UPB1: variants seen among roughly 807,000 people sequenced by gnomAD.
UPB1 encodes beta-ureidopropionase.
In UPB1, 40 loss-of-function variants were observed where a neutral mutation model predicts 49.1. The observed-to-expected ratio is 0.81, with a 90% CI of 0.63 to 1.06. The LOEUF (loss-of-function observed/expected upper bound fraction) is 1.06, where lower values mean the gene tolerates loss of function less well. Ranked by LOEUF, UPB1 falls within the 50% of genes least tolerant of loss-of-function variation. The pLI is 0.00. For missense variants in UPB1, 499 were observed against 505.9 expected, an observed-to-expected ratio of 0.99 and a Z score of 0.13; for synonymous variants, 207 against 198.2, an observed-to-expected ratio of 1.04 and a Z score of -0.38.
chr22:24,506,706 CTG>C (rs1234982728), intron 3 of UPB1, among the ~76,000 whole-genome samples: 2 of 152,326 alleles, frequency 1.3e-5, no homozygotes, highest in East Asian at 3.9e-4. Flanking sequence ...AGGATAGTAT[CTG>C]TGTTTGTTTT....
chr22:24,524,079 A>G (rs2044442032), intron 9 of UPB1, among the ~76,000 whole-genome samples: 1 of 152,260 alleles, frequency 6.6e-6, no homozygotes, highest in Non-Finnish European at 1.5e-5. Flanking sequence ...TGGCTCCTCT[A>G]ATCCTTTTTC....
chr22:24,520,409 G>A lies in UPB1; in HGVS notation c.814G>A (p.Ala272Thr), dbSNP rs770476916. 1.1e-5 allele frequency: 17 copies of A among 1,614,168 alleles called. No homozygotes were observed. In the South Asian group the frequency reaches 1.9e-4, roughly 18 times the overall value. ...CAGCGAGTCCCTGTGGCCCATCGAG[G>A]CCAGAAACGCAGCCATTGCCAATCA... ...ALSESLWPIE[A>T]RNAAIANHCF... The change falls in exon 7 of 10, where the codon GCC becomes ACC. Residue 272 changes from alanine to threonine, a missense_variant. Physicochemically the swap from Ala to Thr is moderately conservative, Grantham distance 58 (BLOSUM62 0). Coordinates refer to ENST00000326010, the MANE Select transcript of UPB1 (RefSeq NM_016327.3).
intron 4 of UPB1, among the ~76,000 whole-genome samples, chr22:24,512,677 T>C (rs1601500536): frequency 6.6e-6 from 1 of 152,320 alleles, no homozygotes; most frequent in East Asian, 1.9e-4. Flanking sequence ...CATTAAACAA[T>C]AGCTCCCCAT....
rs150510172 is a variant in UPB1, at chr22:24,502,845, C to T, written c.364+632C>T. Reference sequence around the variant, plus strand: ...TTCTTGCCTCCTCCTGGCCCTTCGACATACATGTGTCCTTGTTCTATCCCC... The same window carrying T: ...TTCTTGCCTCCTCCTGGCCCTTCGATATACATGTGTCCTTGTTCTATCCCC... On this transcript the variant is annotated intron_variant, in intron 3 of 9. Coordinates refer to ENST00000326010, the MANE Select transcript of UPB1 (RefSeq NM_016327.3). 5.7e-4 allele frequency: 187 copies of T among 328,478 alleles called. 1 individual carries two copies. Among genetic ancestry groups the T allele is most frequent in the African/African-American group, 3.6e-3 (172 of 47,540 alleles). 20.3% of individuals were successfully genotyped at this position (328,478 alleles called of 1,614,324 possible).
chr22:24,508,434 C>T (rs2044131543), intron 3 of UPB1, among the ~76,000 whole-genome samples: 1 of 151,972 alleles, frequency 6.6e-6, no homozygotes, highest in Non-Finnish European at 1.5e-5. Flanking sequence ...TGGCGGGCAC[C>T]TGTAATCCCA....
At position 24,523,731 on chromosome 22, in the gene UPB1, C is replaced by T. The variant is rs1329800647; in HGVS notation, c.1029C>T (p.Asp343=). Residue 343 remains aspartate (D), a synonymous_variant, in exon 9 of 10, where the codon GAC becomes GAT. Coordinates refer to ENST00000326010, the MANE Select transcript of UPB1 (RefSeq NM_016327.3). ...SRDGLLVAKL[D]LNLCQQVNDV... ...ATGGACTGCTAGTTGCTAAGCTCGA[C>T]CTAAACCTCTGCCAGCAGGTGAATG... is the stretch of plus-strand genomic sequence containing the variant. 6.2e-7 allele frequency: 1 copy of T among 1,614,274 alleles called. No homozygotes were observed. The highest frequency in any genetic ancestry group is 8.5e-7 in the Non-Finnish European group (1 of 1,180,054).
intron 4 of UPB1, 62 bp downstream of exon 4, chr22:24,510,905 C>A: frequency 6.4e-7 from 1 of 1,550,986 alleles, no homozygotes; most frequent in Non-Finnish European, 8.9e-7. Flanking sequence ...CAGAGCATGA[C>A]CACAGCTGCC....
intron 1 of UPB1, among the ~76,000 whole-genome samples, chr22:24,498,025 A>G (rs1017984817): frequency 4.4e-4 from 67 of 152,134 alleles, no homozygotes; most frequent in African/African-American, 1.6e-3. Flanking sequence ...CTTAAACCAC[A>G]TGAATTTATT....
chr22:24,513,597 C>T (rs2044244709), intron 5 of UPB1, 112 bp downstream of exon 5: 3 of 1,420,630 alleles, frequency 2.1e-6, no homozygotes, highest in Admixed American at 3.9e-5. Flanking sequence ...TACTCCATGT[C>T]ACGTACACTC....
chr22:24,509,160 A>G (rs1347045743), intron 3 of UPB1, among the ~76,000 whole-genome samples: 1 of 152,152 alleles, frequency 6.6e-6, no homozygotes, highest in African/African-American at 2.4e-5. Flanking sequence ...ACTGGCAGGT[A>G]CTAAAGGTAA....
intron 3 of UPB1, among the ~76,000 whole-genome samples, chr22:24,510,233 CAAAA>C (rs202134271): frequency 6.7e-5 from 7 of 104,724 alleles, no homozygotes; most frequent in African/African-American, 1.5e-4. Flanking sequence ...AACTCCATCT[CAAAA>C]AAAAAAAAAA....
chr22:24,520,280 CA>C (rs1438864884), intron 6 of UPB1, 106 bp from the exon 7 acceptor site: 3 of 1,280,472 alleles, frequency 2.3e-6, no homozygotes, highest in Non-Finnish European at 3.3e-6. Context: ...GCTCTGTCCC[CA>C]CCACTGGCCC....
chr22:24,501,592 C>T (rs1325567390), intron 2 of UPB1, among the ~76,000 whole-genome samples: 1 of 152,200 alleles, frequency 6.6e-6, no homozygotes, highest in Non-Finnish European at 1.5e-5. Context: ...ATAACACCTC[C>T]AGGAAGATTA....
In UPB1 at chr22:24,495,338, C is replaced by A; in HGVS notation, c.-66C>A. The A allele has an allele frequency of 6.4e-7, 1 of 1,568,362 alleles. No homozygotes were observed. The highest frequency in any genetic ancestry group is 8.7e-7 in the Non-Finnish European group (1 of 1,146,002). On this transcript the variant is annotated 5_prime_UTR_variant, in exon 1 of 10. Coordinates refer to ENST00000326010, the MANE Select transcript of UPB1 (RefSeq NM_016327.3). Reference sequence around the variant, plus strand: ...AGGGCGCCTGACCGGGCCTGGGCACCTCCTCCCACTGCGGGCAAAGGGCAG... The same window carrying A: ...AGGGCGCCTGACCGGGCCTGGGCACATCCTCCCACTGCGGGCAAAGGGCAG...
In UPB1 at chr22:24,527,591, G is replaced by C. The variant is rs1373239278; in HGVS notation, c.*1797G>C. 3 of 151,350 alleles carry C rather than the reference G, an allele frequency of 2.0e-5. No homozygotes were observed. Among genetic ancestry groups the C allele is most frequent in the Non-Finnish European group, 4.4e-5 (3 of 67,848 alleles). 9.4% of individuals were successfully genotyped at this position (151,350 alleles called of 1,614,324 possible). A position where few individuals can be genotyped will look rare whatever the true frequency, so the allele number is the denominator to read the frequency against. ...ATTCCCCGCTTATTGTTCCCAATCA[G>C]AGAAGGCAGCCAGAGAAGGCAGCTT... On this transcript the variant is annotated 3_prime_UTR_variant, in exon 10 of 10. Coordinates refer to ENST00000326010, the MANE Select transcript of UPB1 (RefSeq NM_016327.3).
intron 1 of UPB1, among the ~76,000 whole-genome samples, chr22:24,499,190 G>A (rs1601476719): frequency 6.6e-6 from 1 of 152,228 alleles, no homozygotes; most frequent in East Asian, 1.9e-4. Context: ...TGGGCTGACA[G>A]GGCTGTGATT....
chr22:24,511,921 A>T (rs1267188050), intron 4 of UPB1, among the ~76,000 whole-genome samples: 1 of 152,104 alleles, frequency 6.6e-6, no homozygotes, highest in Non-Finnish European at 1.5e-5. Flanking sequence ...GGCCTGAATT[A>T]TATCTTAATA....
At chr22:24,516,970 C>T (rs766721874) in intron 6 of UPB1, among the ~76,000 whole-genome samples, 2 of 152,206 alleles carry the variant, frequency 1.3e-5, no homozygotes, top group Admixed American at 6.5e-5. Flanking sequence ...GTGATCCACC[C>T]ACCTTGGCCT....
At chr22:24,509,800 G>A (rs757007540) in intron 3 of UPB1, among the ~76,000 whole-genome samples, 4 of 152,184 alleles carry the variant, frequency 2.6e-5, no homozygotes, top group Non-Finnish European at 5.9e-5. Flanking sequence ...ATACATTCAT[G>A]TTGTGCAACC....
Sources: gnomAD v4.1 joint callset for allele counts (sites outside exome capture counted in the v4.1 genomes callset) on GRCh38, gnomAD v4.1.1 for gene constraint, MANE v1.5 for transcripts, NCBI Gene and HGNC (gene_info 2026-07-23, HGNC 2026-07-21) for gene names.